RAD51B: variants seen among roughly 807,000 people sequenced by gnomAD.
The protein encoded by RAD51B is DNA repair protein RAD51 homolog 2.
In RAD51B, 38 loss-of-function variants were observed where a neutral mutation model predicts 42.2. The observed-to-expected ratio is 0.90, with a 90% CI of 0.70 to 1.18. The LOEUF is 1.18. Among genes scored for constraint, RAD51B ranks in the 50% most tolerant of loss-of-function variants. RAD51B has a pLI of 0.00. For synonymous variants in RAD51B, 154 were observed against 145.2 expected (o/e 1.06, Z -0.43); for missense variants, 373 against 400.7 (o/e 0.93, Z 0.59).
At chr14:68,224,685 T>C (rs2140970373) in intron 7 of RAD51B, among the ~76,000 whole-genome samples, 1 of 152,206 alleles carries the variant, frequency 6.6e-6, no homozygotes, top group African/African-American at 2.4e-5. Context: ...ACAAAAGACA[T>C]CTTAAAAAGC....
In RAD51B at chr14:68,244,382, T is replaced by C. The variant is rs1203595673; in HGVS notation, c.757-47502T>C. On this transcript the variant is annotated intron_variant, in intron 7 of 10. Transcript: ENST00000471583. ...AAAGCATTGGCAGACAAACAAAAGATCTGTAGGGCAGGACTTCCTTTTTAT... is the reference window on the plus strand; with the variant it reads ...AAAGCATTGGCAGACAAACAAAAGACCTGTAGGGCAGGACTTCCTTTTTAT... 2.0e-5 allele frequency among the ~76,000 whole-genome samples: 3 copies of C among 152,116 alleles called. No individual in the cohort carries two copies. The East Asian group carries it at 5.8e-4, about 29-fold the overall frequency.
intron 10 of RAD51B, chr14:68,497,214 G>A (rs2140292620): frequency 3.6e-6 from 5 of 1,377,054 alleles, no homozygotes; most frequent in Non-Finnish European, 4.8e-6. Context: ...CAAAATATTG[G>A]GAAAGAGTCT....
chr14:68,674,930 C>A (rs372473715), intron 11 of RAD51B, among the ~76,000 whole-genome samples: 4 of 152,170 alleles, frequency 2.6e-5, no homozygotes, highest in African/African-American at 9.7e-5. Flanking sequence ...TCCATGCTAA[C>A]CCTCTTGAGT....
At chr14:68,368,858 T>C (rs10483808) in intron 8 of RAD51B, among the ~76,000 whole-genome samples, 1,961 of 152,192 alleles carry the variant, frequency 0.013, 45 homozygotes, top group African/African-American at 0.046. Flanking sequence ...GGAGGGAAAA[T>C]GAAGTATAAG....
intron 7 of RAD51B, among the ~76,000 whole-genome samples, chr14:68,048,908 G>C (rs28474827): frequency 0.31 from 46,906 of 151,970 alleles, 9,907 homozygotes; most frequent in African/African-American, 0.6. Context: ...CACATGCACA[G>C]ATATGTTTAT....
chr14:67,893,765 A>T (rs1182217641), intron 7 of RAD51B, among the ~76,000 whole-genome samples: 1 of 152,180 alleles, frequency 6.6e-6, no homozygotes, highest in African/African-American at 2.4e-5. Context: ...TCATAAAGAA[A>T]TGGCACTGGC....
chr14:68,484,372 T>TTTTTA (rs1883451295), intron 10 of RAD51B, among the ~76,000 whole-genome samples: 1 of 150,722 alleles, frequency 6.6e-6, no homozygotes, highest in Non-Finnish European at 1.5e-5. Context: ...TTTTTTTTTT[T>TTTTTA]TTTGAGACAG....
intron 7 of RAD51B, among the ~76,000 whole-genome samples, chr14:67,925,405 C>T (rs372204261): frequency 5.7e-4 from 87 of 152,036 alleles, no homozygotes; most frequent in African/African-American, 1.6e-3. Context: ...CCCGAGTAGC[C>T]GGGACTACAG....
At position 68,549,409 on chromosome 14, in the gene RAD51B, ATTTTTTTTT is replaced by A. The variant is rs71129897; in HGVS notation, c.1037-45060_1037-45052del. Reference sequence around the variant, plus strand: ...AGTGCTTCATCCATGCCCTGGACACATTTTTTTTTTTTTTTTTTTTTTTTGAGACGGAGT... The same window carrying A: ...AGTGCTTCATCCATGCCCTGGACACATTTTTTTTTTTTTTTGAGACGGAGT... On this transcript the variant is annotated intron_variant, in intron 10 of 10. Transcript: ENST00000487270. Among the ~76,000 whole-genome samples the A allele has an allele frequency of 6.0e-3, 382 of 63,578 alleles. 7 individuals are homozygous for A. The highest frequency in any genetic ancestry group is 0.018 in the African/African-American group (373 of 20,804). The allele number at this position is 63,578 out of a possible 152,430, so 41.7% of individuals were successfully genotyped here.
chr14:68,275,796 A>ACACC (rs1403517164), intron 7 of RAD51B, among the ~76,000 whole-genome samples: 1 of 33,700 alleles, frequency 3.0e-5, no homozygotes, highest in Non-Finnish European at 6.4e-5. Context: ...CTAGCTCTCC[A>ACACC]CACACACACA....
chr14:67,872,044 C>T (rs1171259250), intron 5 of RAD51B, among the ~76,000 whole-genome samples: 2 of 147,394 alleles, frequency 1.4e-5, no homozygotes, highest in East Asian at 4.0e-4. Context: ...GGGATGCCCT[C>T]TCTCACCACT....
At chr14:68,385,233 C>A (rs2083568110) in intron 8 of RAD51B, among the ~76,000 whole-genome samples, 1 of 152,170 alleles carries the variant, frequency 6.6e-6, no homozygotes, top group South Asian at 2.1e-4. Flanking sequence ...GGCCTGCCAC[C>A]CTCGCTGCCA....
chr14:68,514,341 G>T (rs1330660444), intron 10 of RAD51B, among the ~76,000 whole-genome samples: 1 of 152,190 alleles, frequency 6.6e-6, no homozygotes, highest in Non-Finnish European at 1.5e-5. Context: ...GCCCAATAAT[G>T]CAGTCTGGAG....
intron 7 of RAD51B, among the ~76,000 whole-genome samples, chr14:67,930,659 T>C (rs2044694421): frequency 6.6e-6 from 1 of 152,206 alleles, no homozygotes; most frequent in South Asian, 2.1e-4. Context: ...TTGAATACAA[T>C]GTGTCATGGA....
chr14:67,838,700 C>T (rs1268370176), intron 4 of RAD51B, among the ~76,000 whole-genome samples: 1 of 152,036 alleles, frequency 6.6e-6, no homozygotes, highest in Non-Finnish European at 1.5e-5. Context: ...TCTGCCCTGG[C>T]CTCCCAACGT....
At chr14:67,970,013 AC>A (rs1196326551) in intron 7 of RAD51B, among the ~76,000 whole-genome samples, 1 of 152,188 alleles carries the variant, frequency 6.6e-6, no homozygotes, top group Non-Finnish European at 1.5e-5. Context: ...ATCATATACC[AC>A]GAACAAAAGG....
At chr14:68,332,205 C>T (rs2082364421) in intron 8 of RAD51B, among the ~76,000 whole-genome samples, 1 of 152,160 alleles carries the variant, frequency 6.6e-6, no homozygotes, top group Non-Finnish European at 1.5e-5. Context: ...TTCAACAGAA[C>T]TTACTGTATT....
chr14:68,034,264 C>CTT (rs548523242), intron 7 of RAD51B, among the ~76,000 whole-genome samples: 9,395 of 143,888 alleles, frequency 0.065, 719 homozygotes, highest in African/African-American at 0.19. Context: ...GAATCATCTG[C>CTT]TTTTTTTTTT....
Position 68,317,134 on chromosome 14 carries a change from C to T in RAD51B, c.853+25154C>T, listed in dbSNP as rs543687695. Among the ~76,000 whole-genome samples, 85 of 152,248 alleles carry T rather than the reference C, an allele frequency of 5.6e-4. 1 individual carries two copies. Among genetic ancestry groups the T allele is most frequent in the Admixed American group, 3.8e-3 (58 of 15,304 alleles). On this transcript the variant is annotated intron_variant, in intron 8 of 10. Coordinates refer to ENST00000471583, the MANE Select transcript of RAD51B (RefSeq NM_133510.4). ...TGAGATTAGCACTTATATTTCAGAA[C>T]ATTTTCCATATTTTTGCTTACCAAA...
Sources: gnomAD v4.1 joint callset for allele counts (sites outside exome capture counted in the v4.1 genomes callset) on GRCh38, gnomAD v4.1.1 for gene constraint, MANE v1.5 for transcripts, NCBI Gene and HGNC (gene_info 2026-07-23, HGNC 2026-07-21) for gene names.